NAV2: variants seen among roughly 807,000 people sequenced by gnomAD.
NAV2 encodes the protein helicase, APC down-regulated 1.
Under a neutral mutation model 223.2 loss-of-function variants are expected in NAV2, and 54 were observed. The observed-to-expected ratio is 0.24, with a 90% CI of 0.19 to 0.30. The LOEUF (loss-of-function observed/expected upper bound fraction) is 0.30, where lower values mean the gene tolerates loss of function less well. Among genes scored for constraint, NAV2 ranks in the 10% least tolerant of loss-of-function variants. NAV2 has a pLI of 1.00. For synonymous variants in NAV2, 1,279 were observed against 1,239.3 expected (o/e 1.03, Z -0.67); for missense variants, 2,806 against 3,147.5 (o/e 0.89, Z 2.60).
Position 19,713,993 on chromosome 11 carries a change from C to G in NAV2, c.267+31C>G. ...AGATGCCGTTTGCCGGGGTACTGTT[C>G]TGGAAGGATGGATGAATAGTTCTTT... is the stretch of plus-strand genomic sequence containing the variant. On this transcript the variant is annotated intron_variant, in intron 1 of 37. Transcript: ENST00000349880. This position sits in a 1 kb window ranked among gnomAD's most constrained non-coding sequence, Gnocchi z 7.2. The G allele has an allele frequency of 6.2e-7, 1 of 1,609,324 alleles. No homozygotes were observed. Among genetic ancestry groups the G allele is most frequent in the South Asian group, 1.1e-5 (1 of 90,550 alleles).
At chr11:19,892,842 G>A (rs982984764) in intron 6 of NAV2, among the ~76,000 whole-genome samples, 4 of 152,168 alleles carry the variant, frequency 2.6e-5, no homozygotes, top group South Asian at 2.1e-4. Context: ...ATAGACACCC[G>A]GCTATGCATA....
chr11:19,465,516 G>A (rs1304947409), intron 1 of NAV2, among the ~76,000 whole-genome samples: 2 of 152,166 alleles, frequency 1.3e-5, no homozygotes, highest in African/African-American at 4.8e-5. Context: ...TCCAATTCAT[G>A]ATGAAAGCCT....
At chr11:19,624,098 CAA>C (rs2047090435) in intron 1 of NAV2, among the ~76,000 whole-genome samples, 1 of 152,188 alleles carries the variant, frequency 6.6e-6, no homozygotes, top group Non-Finnish European at 1.5e-5. Context: ...TGCAGAATAA[CAA>C]ATGTTGCTGC....
intron 1 of NAV2, among the ~76,000 whole-genome samples, chr11:19,634,317 A>G (rs548700215): frequency 2.0e-5 from 3 of 152,344 alleles, no homozygotes; most frequent in South Asian, 2.1e-4. Flanking sequence ...GAAGGAAACA[A>G]CAGACCCTGG....
In NAV2 at chr11:19,521,734, A is replaced by T. The variant is rs115680384; in HGVS notation, c.75+170707A>T. Among the ~76,000 whole-genome samples the T allele has an allele frequency of 4.2e-3, 645 of 152,242 alleles. 9 individuals are homozygous for T. The highest frequency in any genetic ancestry group is 0.027 in the Middle Eastern group (8 of 294). On this transcript the variant is annotated intron_variant, in intron 1 of 37. Transcript: ENST00000360655. ...CCACCCTGCACATAGGCCTTCTGAG[A>T]TCCATTTTCCAGATGAGGAAGCAGG...
At chr11:19,917,190 C>T (rs1327920328) in intron 6 of NAV2, among the ~76,000 whole-genome samples, 2 of 152,160 alleles carry the variant, frequency 1.3e-5, no homozygotes, top group Non-Finnish European at 2.9e-5. Context: ...TCTGTGAGTT[C>T]CCATGAGGTG....
At chr11:19,368,738 T>C (rs1170424364) in intron 1 of NAV2, among the ~76,000 whole-genome samples, 1 of 152,240 alleles carries the variant, frequency 6.6e-6, no homozygotes, top group South Asian at 2.1e-4. Flanking sequence ...AAATAAGTGA[T>C]AGAGCATGTA....
chr11:19,714,030 G>A, intron 1 of NAV2, 68 bp downstream of exon 1: 1 of 1,569,278 alleles, frequency 6.4e-7, no homozygotes, highest in Non-Finnish European at 8.7e-7. Context: ...GGGATGGTGT[G>A]GGAGAAAGGG....
intron 1 of NAV2, among the ~76,000 whole-genome samples, chr11:19,543,407 A>C (rs1003174681): frequency 1.3e-5 from 2 of 152,200 alleles, no homozygotes; most frequent in African/African-American, 4.8e-5. Context: ...CATTGCTATC[A>C]TCAGTGAAAT....
At chr11:20,109,357 C>A (rs954378828) in intron 36 of NAV2, among the ~76,000 whole-genome samples, 1 of 152,200 alleles carries the variant, frequency 6.6e-6, no homozygotes, top group Non-Finnish European at 1.5e-5. Context: ...TAGCAGAGCT[C>A]TATCAACTGT....
chr11:19,950,434 C>A (rs2047289831), intron 10 of NAV2, among the ~76,000 whole-genome samples: 1 of 152,218 alleles, frequency 6.6e-6, no homozygotes, highest in African/African-American at 2.4e-5. Flanking sequence ...GGGCTTGCAG[C>A]TATTAGGGAC....
intron 26 of NAV2, 51 bp downstream of exon 26, chr11:20,083,230 T>C (rs1565020723): frequency 6.6e-7 from 1 of 1,504,594 alleles, no homozygotes; most frequent in Non-Finnish European, 9.1e-7. Flanking sequence ...GAGAACCTTC[T>C]CCAGTAGGAA....
intron 1 of NAV2, among the ~76,000 whole-genome samples, chr11:19,418,285 C>T (rs1333987594): frequency 1.3e-5 from 2 of 152,142 alleles, no homozygotes; most frequent in Non-Finnish European, 2.9e-5. Context: ...GAGCTATGAA[C>T]AAGTTCTACA....
At chr11:19,759,825 T>C (rs571184673) in intron 1 of NAV2, among the ~76,000 whole-genome samples, 2 of 152,232 alleles carry the variant, frequency 1.3e-5, no homozygotes, top group African/African-American at 4.8e-5. Context: ...ATTCAATGAA[T>C]GATTGCTGCT....
chr11:19,345,586 G>C, the NAV2 span, among the ~76,000 whole-genome samples: 1 of 152,198 alleles, frequency 6.6e-6, no homozygotes, highest in Admixed American at 6.5e-5. The surrounding 1 kb of genome is among the most constrained non-coding windows in gnomAD (Gnocchi z 5.2). Flanking sequence ...CATAGATACC[G>C]GGCGAGCGGA....
At chr11:20,036,186 A>T in intron 12 of NAV2, 89 bp downstream of exon 12, 1 of 1,479,436 alleles carries the variant, frequency 6.8e-7, no homozygotes, top group Admixed American at 1.8e-5. Flanking sequence ...CATTTGGGGC[A>T]ACCAGAATCT....
intron 1 of NAV2, among the ~76,000 whole-genome samples, chr11:19,519,021 T>C (rs553925763): frequency 1.3e-5 from 2 of 152,318 alleles, no homozygotes; most frequent in South Asian, 4.1e-4. Context: ...AACCTGGCCA[T>C]GCTGGCACCC....
intron 1 of NAV2, among the ~76,000 whole-genome samples, chr11:19,748,394 A>T (rs549010685): frequency 6.6e-6 from 1 of 152,218 alleles, no homozygotes; most frequent in Non-Finnish European, 1.5e-5. Flanking sequence ...GAGAGGGAAA[A>T]AGAAATGTAG....
chr11:19,463,775 G>A lies in NAV2; in HGVS notation c.75+112748G>A, dbSNP rs541385372. On this transcript the variant is annotated intron_variant, in intron 1 of 37. Coordinates refer to the NAV2 transcript ENST00000360655. Reference sequence around the variant, plus strand: ...GGAATACAAGGTTTTGGAGGCAAGAGGGAACAGGGAGCACTTGGGGGAACT... The same window carrying A: ...GGAATACAAGGTTTTGGAGGCAAGAAGGAACAGGGAGCACTTGGGGGAACT... Among the ~76,000 whole-genome samples the A allele has an allele frequency of 1.5e-3, 221 of 152,316 alleles. 1 individual carries two copies. Among genetic ancestry groups the A allele is most frequent in the South Asian group, 6.0e-3 (29 of 4,824 alleles).
Sources: gnomAD v4.1 joint callset for allele counts (sites outside exome capture counted in the v4.1 genomes callset) on GRCh38, gnomAD v4.1.1 for gene constraint, Gnocchi (gnomAD v3.1) non-coding constraint, MANE v1.5 for transcripts, NCBI Gene and HGNC (gene_info 2026-07-23, HGNC 2026-07-21) for gene names.